Variants in GARNL3 observed in about 807,000 individuals in gnomAD.
The protein encoded by GARNL3 is GTPase activating Rap/RanGAP domain like 3, also known as GTPase-activating Rap/Ran-GAP domain-like protein 3.
Under a neutral mutation model 125.0 loss-of-function variants are expected in GARNL3, and 63 were observed. The observed-to-expected ratio is 0.50, with a 90% CI of 0.41 to 0.62. The LOEUF (loss-of-function observed/expected upper bound fraction) is 0.62, where lower values mean the gene tolerates loss of function less well. Among genes scored for constraint, GARNL3 ranks in the 20% least tolerant of loss-of-function variants. The pLI is 0.00. For missense variants in GARNL3, 994 were observed against 1,244.0 expected (o/e 0.80, Z 3.02); for synonymous variants, 439 against 457.5 (o/e 0.96, Z 0.52).
At chr9:127,352,117 T>C (rs1289137025) in intron 17 of GARNL3, among the ~76,000 whole-genome samples, 1 of 152,244 alleles carries the variant, frequency 6.6e-6, no homozygotes, top group Non-Finnish European at 1.5e-5. Context: ...GTCGCATCTC[T>C]ATCCACTGGG....
chr9:127,369,116 GT>G (rs1831463749), intron 22 of GARNL3: 1 of 109,852 alleles, frequency 9.1e-6, no homozygotes, highest in Admixed American at 9.6e-5. Flanking sequence ...ATGGTGTTCA[GT>G]TAAAAAAAAA....
At chr9:127,327,011 A>G (rs945450348) in intron 7 of GARNL3, among the ~76,000 whole-genome samples, 44 of 152,358 alleles carry the variant, frequency 2.9e-4, no homozygotes, top group African/African-American at 1.0e-3. Flanking sequence ...AGACCAAGAC[A>G]TAGACCTTTA....
At chr9:127,328,402 G>C (rs998716748) in intron 7 of GARNL3, among the ~76,000 whole-genome samples, 2 of 152,044 alleles carry the variant, frequency 1.3e-5, no homozygotes, top group African/African-American at 2.4e-5. Flanking sequence ...CTATTCTAGT[G>C]GTAAACTATT....
At chr9:127,382,866 A>G (rs1390123724) in intron 22 of GARNL3, among the ~76,000 whole-genome samples, 1 of 152,198 alleles carries the variant, frequency 6.6e-6, no homozygotes, top group African/African-American at 2.4e-5. Context: ...GTTAGGGGGT[A>G]TCTGGCTCCC....
At position 127,339,675 on chromosome 9, in the gene GARNL3, A is replaced by T. The variant is rs146344374; in HGVS notation, c.1059A>T (p.Pro353=). 595 of 1,613,120 alleles carry T rather than the reference A, an allele frequency of 3.7e-4. 1 individual carries two copies. The highest frequency in any genetic ancestry group is 9.7e-4 in the Admixed American group (58 of 60,012). ...AAATATTTTCAGAAGAGAGCGTACC[A>T]CTCTTTGGCCCTCCCTTGCCAACTC... ...RLKIFSEESV[P]LFGPPLPTPP... The change falls in exon 13 of 28, where the codon CCA becomes CCT. Residue 353 remains proline (P), a synonymous_variant. Transcript: ENST00000373387.
chr9:127,270,225 A>G (rs1018430635), intron 1 of GARNL3, among the ~76,000 whole-genome samples: 1 of 152,196 alleles, frequency 6.6e-6, no homozygotes, highest in Non-Finnish European at 1.5e-5. Flanking sequence ...TCAGAAATCA[A>G]TTGACTATAG....
Position 127,344,320 on chromosome 9 carries a change from AGT to A in GARNL3, c.1338_1339del (p.Glu446AspfsTer3). ...AAGAAAGAGGAGGCCCGCCAGGCGG[AGT>A]TTGTTAGAATAGGGCAGGTGGGTTT... On this transcript the variant is annotated frameshift_variant, in exon 15 of 28. Coordinates refer to ENST00000373387, the MANE Select transcript of GARNL3 (RefSeq NM_032293.5). LOFTEE classifies it high-confidence loss of function. 1 of 1,613,428 alleles carries A rather than the reference AGT, an allele frequency of 6.2e-7. No individual in the cohort carries two copies. Among genetic ancestry groups the A allele is most frequent in the Non-Finnish European group, 8.5e-7 (1 of 1,179,382 alleles).
intron 4 of GARNL3, among the ~76,000 whole-genome samples, chr9:127,315,754 C>G (rs950984372): frequency 6.6e-6 from 1 of 151,822 alleles, no homozygotes; most frequent in African/African-American, 2.4e-5. Context: ...AGAAATGGCT[C>G]ACACAAATAA....
intron 17 of GARNL3, among the ~76,000 whole-genome samples, chr9:127,350,468 A>G (rs1206639446): frequency 6.6e-6 from 1 of 152,110 alleles, no homozygotes; most frequent in Non-Finnish European, 1.5e-5. Flanking sequence ...TGTCTCTATG[A>G]ACTTGCTAAG....
At chr9:127,360,400 C>T (rs1830928462) in intron 21 of GARNL3, among the ~76,000 whole-genome samples, 1 of 152,210 alleles carries the variant, frequency 6.6e-6, no homozygotes, top group South Asian at 2.1e-4. Context: ...ACAGCCCTCC[C>T]GTGGTAGAAT....
At chr9:127,246,094 T>C (rs759404662) in intron 2 of GARNL3, among the ~76,000 whole-genome samples, 40 of 152,106 alleles carry the variant, frequency 2.6e-4, no homozygotes, top group Non-Finnish European at 4.0e-4. Context: ...TAGGGAGTGG[T>C]GGGCAATGAG....
At chr9:127,273,197 G>A (rs1332568078) in intron 1 of GARNL3, among the ~76,000 whole-genome samples, 4 of 151,988 alleles carry the variant, frequency 2.6e-5, no homozygotes, top group Non-Finnish European at 4.4e-5. Context: ...ATACCAGAGC[G>A]GTCCCACAGC....
At chr9:127,387,100 C>T in intron 24 of GARNL3, 93 bp from the exon 25 acceptor site, 1 of 1,312,890 alleles carries the variant, frequency 7.6e-7, no homozygotes, top group Non-Finnish European at 1.1e-6. Context: ...AGGATGGGGA[C>T]CAGTTGGAGG....
Position 127,393,397 on chromosome 9 carries a change from T to G in GARNL3, c.*143T>G. ...CCAAACCTTCTGCACACTCGGCCAGTTCCCTCTCCAATGTCCGGTGCCATC... is the reference window on the plus strand; with the variant it reads ...CCAAACCTTCTGCACACTCGGCCAGGTCCCTCTCCAATGTCCGGTGCCATC... On this transcript the variant is annotated 3_prime_UTR_variant, in exon 28 of 28. Transcript: ENST00000373387. 1.8e-5 allele frequency: 11 copies of G among 600,830 alleles called. No homozygotes were observed. Among genetic ancestry groups the G allele is most frequent in the East Asian group, 2.8e-5 (1 of 35,162 alleles). The allele number at this position is 600,830 out of a possible 1,614,324, so 37.2% of individuals were successfully genotyped here.
intron 1 of GARNL3, among the ~76,000 whole-genome samples, chr9:127,290,644 G>A (rs951724434): frequency 6.6e-6 from 1 of 152,204 alleles, no homozygotes; most frequent in Admixed American, 6.5e-5. Context: ...CTATTTGCAA[G>A]CATCACCTTG....
chr9:127,372,141 A>G lies in GARNL3; in HGVS notation c.2161+6775A>G, dbSNP rs541485347. 7.9e-5 allele frequency among the ~76,000 whole-genome samples: 12 copies of G among 152,314 alleles called. 1 individual carries two copies. The highest frequency in any genetic ancestry group is 7.7e-4 in the East Asian group (4 of 5,188). Reference sequence around the variant, plus strand: ...ATACCTCACATTCATTCATTCATTCATTCATTTTTCTTCAAAGCATTCACT... The same window carrying G: ...ATACCTCACATTCATTCATTCATTCGTTCATTTTTCTTCAAAGCATTCACT... On this transcript the variant is annotated intron_variant, in intron 22 of 27. Coordinates refer to ENST00000373387, the MANE Select transcript of GARNL3 (RefSeq NM_032293.5).
intron 5 of GARNL3, among the ~76,000 whole-genome samples, chr9:127,319,461 G>A (rs1460626232): frequency 6.6e-6 from 1 of 151,926 alleles, no homozygotes; most frequent in African/African-American, 2.4e-5. Flanking sequence ...TAACCTGGGT[G>A]ACAGAGTGAG....
At chr9:127,341,693 A>G (rs1829868402) in intron 13 of GARNL3, among the ~76,000 whole-genome samples, 1 of 152,228 alleles carries the variant, frequency 6.6e-6, no homozygotes, top group African/African-American at 2.4e-5. Flanking sequence ...GAGATCACTC[A>G]GCAGCACTAG....
intron 3 of GARNL3, among the ~76,000 whole-genome samples, 191 bp downstream of exon 3, chr9:127,311,926 GC>G (rs2065109142): frequency 6.6e-6 from 1 of 152,098 alleles, no homozygotes; most frequent in Non-Finnish European, 1.5e-5. Context: ...AAGAGTTTTT[GC>G]TCATAGTTTC....
Sources: allele counts gnomAD v4.1 joint callset (sites outside exome capture counted in the v4.1 genomes callset), GRCh38; gene constraint gnomAD v4.1.1; transcripts MANE v1.5; gene names NCBI Gene and HGNC (gene_info 2026-07-23, HGNC 2026-07-21).